GPATCH2L: variants seen among roughly 807,000 people sequenced by gnomAD.
GPATCH2L encodes the protein G patch domain-containing protein 2-like.
GPATCH2L carries 31 observed loss-of-function variants against 57.4 expected under a neutral mutation model. The ratio of observed to expected loss-of-function variants is 0.54; its 90% confidence interval spans 0.41 to 0.73. The LOEUF is 0.73. Ranked by LOEUF, GPATCH2L falls within the 30% of genes least tolerant of loss-of-function variation. The pLI is 0.00. For synonymous variants in GPATCH2L, 199 were observed against 210.7 expected, an observed-to-expected ratio of 0.94 and a Z score of 0.48; for missense variants, 481 against 599.9, an observed-to-expected ratio of 0.80 and a Z score of 2.07.
chr14:76,199,855 G>A (rs1244380905), intron 9 of GPATCH2L, among the ~76,000 whole-genome samples: 3 of 152,170 alleles, frequency 2.0e-5, no homozygotes, highest in Admixed American at 6.5e-5. Context: ...ACTCAAAATA[G>A]ATTTTTGCAT....
At chr14:76,163,984 G>T (rs985724320) in intron 2 of GPATCH2L, among the ~76,000 whole-genome samples, 1 of 152,176 alleles carries the variant, frequency 6.6e-6, no homozygotes, top group East Asian at 1.9e-4. Flanking sequence ...CCCCGGTTAG[G>T]CAAGGAAGGG....
intron 8 of GPATCH2L, among the ~76,000 whole-genome samples, chr14:76,193,625 A>G (rs180980076): frequency 2.0e-5 from 3 of 152,266 alleles, no homozygotes; most frequent in Admixed American, 1.3e-4. Context: ...AAGCATCCAG[A>G]TGAAGAAAAA....
chr14:76,216,837 T>C (rs966133783), downstream of GPATCH2L, among the ~76,000 whole-genome samples: 6 of 152,094 alleles, frequency 3.9e-5, no homozygotes, highest in African/African-American at 1.4e-4. Context: ...CATAGATTAA[T>C]GGAACGATAT....
At chr14:76,221,900 TG>T (rs2040516560) in intron 1 of GPATCH2L, among the ~76,000 whole-genome samples, 1 of 152,148 alleles carries the variant, frequency 6.6e-6, no homozygotes, top group African/African-American at 2.4e-5. Flanking sequence ...AATGGATAAA[TG>T]CCATTATACA....
In GPATCH2L at chr14:76,154,599, T is replaced by G; in HGVS notation, c.236T>G (p.Val79Gly). Residue 79 changes from valine to glycine, a missense_variant, in exon 2 of 10, where the codon GTG (valine) becomes GGG (glycine). By Grantham distance (109) the Val-to-Gly change is moderately radical. Coordinates refer to ENST00000261530, the MANE Select transcript of GPATCH2L (RefSeq NM_017926.4). The surrounding 1 kb of genome is among the most constrained non-coding windows in gnomAD (Gnocchi z 4.4). ...GAGGCCACTAAGGACTGTCGAGAAG[T>G]GGCTCCGGTGACCAATTTTAGTGAC... ...LDEATKDCRE[V>G]APVTNFSDSD... 1 of 1,614,262 alleles carries G rather than the reference T, an allele frequency of 6.2e-7. No individual in the cohort carries two copies.
chr14:76,152,714 C>A (rs959394776), intron 1 of GPATCH2L: 2 of 455,992 alleles, frequency 4.4e-6, no homozygotes, highest in African/African-American at 4.0e-5. Context: ...AGGCATTCGA[C>A]TGCAAGTTGT....
At position 76,165,365 on chromosome 14, in the gene GPATCH2L, G is replaced by A. The variant is rs780087222; in HGVS notation, c.663-1298G>A. Among the ~76,000 whole-genome samples the A allele has an allele frequency of 4.0e-5, 6 of 151,820 alleles. No homozygotes were observed. The East Asian group carries it at 7.8e-4, about 20-fold the overall frequency. On this transcript the variant is annotated intron_variant, in intron 2 of 9. Coordinates refer to ENST00000261530, the MANE Select transcript of GPATCH2L (RefSeq NM_017926.4). ...AAATTAGCTGGGTGTGGTGGTGCGCGCCTGTAATCCCAGCTACTTGGGAGG... is the reference window on the plus strand; with the variant it reads ...AAATTAGCTGGGTGTGGTGGTGCGCACCTGTAATCCCAGCTACTTGGGAGG...
At chr14:76,219,121 A>T (rs1031472737), downstream of GPATCH2L, among the ~76,000 whole-genome samples, 19 of 152,168 alleles carry the variant, frequency 1.2e-4, no homozygotes, top group Non-Finnish European at 2.4e-4. Context: ...TAGACTTCAC[A>T]GAGAGAAAAC....
chr14:76,230,996 A>G (rs532045069), intron 2 of GPATCH2L, among the ~76,000 whole-genome samples: 1 of 152,288 alleles, frequency 6.6e-6, no homozygotes, highest in African/African-American at 2.4e-5. Context: ...ACTTGCCCTA[A>G]ACTTAACTTT....
intron 9 of GPATCH2L, among the ~76,000 whole-genome samples, chr14:76,197,405 C>A (rs184843291): frequency 6.6e-6 from 1 of 152,112 alleles, no homozygotes; most frequent in Non-Finnish European, 1.5e-5. Context: ...AATCCTTGTT[C>A]CATTTTCAGG....
Position 76,209,790 on chromosome 14 carries a change from G to T in GPATCH2L, c.*7939G>T, listed in dbSNP as rs2040419963. On this transcript the variant is annotated 3_prime_UTR_variant, in exon 10 of 10. Coordinates refer to ENST00000261530, the MANE Select transcript of GPATCH2L (RefSeq NM_017926.4). ...TTCCACTTTCATCAGATGTGACCCTGTGTGTTCCTGATGTCTTTGAATCAC... is the reference window on the plus strand; with the variant it reads ...TTCCACTTTCATCAGATGTGACCCTTTGTGTTCCTGATGTCTTTGAATCAC... 1 of 152,228 alleles carries T rather than the reference G, an allele frequency of 6.6e-6. No homozygotes were observed. Among genetic ancestry groups the T allele is most frequent in the Admixed American group, 6.5e-5 (1 of 15,280 alleles). The allele number at this position is 152,228 out of a possible 1,614,324, so 9.4% of individuals were successfully genotyped here. A position where few individuals can be genotyped will look rare whatever the true frequency, so the allele number is the denominator to read the frequency against.
At chr14:76,183,215 A>G (rs2039641137) in intron 8 of GPATCH2L, among the ~76,000 whole-genome samples, 1 of 152,170 alleles carries the variant, frequency 6.6e-6, no homozygotes, top group African/African-American at 2.4e-5. Flanking sequence ...TTTGCCTGGC[A>G]GTGTTTGTGG....
In GPATCH2L at chr14:76,180,833, G is replaced by C; in HGVS notation, c.1177G>C (p.Ala393Pro). The change falls in exon 8 of 10, where the codon GCA (alanine) becomes CCA (proline). Residue 393 changes from alanine (A) to proline (P), a missense_variant. This residue lies in a region of GPATCH2L where 248 missense variants were observed against 270.5 expected (regional missense o/e 0.92). Transcript: ENST00000261530. ...ADASHRRCSP[A>P]HCSARQANVH... is the part of the protein sequence containing the mutation. ...TGCTTCTCACCGAAGGTGTTCACCA[G>C]CACACTGCTCTGCCAGGTAATTGTC... 2.5e-6 allele frequency: 4 copies of C among 1,608,616 alleles called. No individual in the cohort carries two copies. The South Asian group carries it at 4.4e-5, about 18-fold the overall frequency.
rs757603055 is a variant in GPATCH2L, at chr14:76,166,653, C to G, written c.663-10C>G. The G allele has an allele frequency of 1.9e-6, 3 of 1,594,822 alleles. No individual in the cohort carries two copies. The highest frequency in any genetic ancestry group is 1.3e-5 in the African/African-American group (1 of 74,558). ...CTGATGAGTTCTCTTGTGTTTTACT[C>G]TTTTTACAGTGAAACCAGCAGTGTG... On this transcript the variant is annotated splice_polypyrimidine_tract_variant and intron_variant, in intron 2 of 9. Coordinates refer to ENST00000261530, the MANE Select transcript of GPATCH2L (RefSeq NM_017926.4).
intron 2 of GPATCH2L, among the ~76,000 whole-genome samples, chr14:76,157,306 T>A (rs2038354553): frequency 1.3e-5 from 2 of 152,224 alleles, no homozygotes; most frequent in Non-Finnish European, 2.9e-5. Flanking sequence ...CAGCCTCTCT[T>A]CAAGAGGAGA....
chr14:76,188,243 A>C (rs1176505047), intron 8 of GPATCH2L, among the ~76,000 whole-genome samples: 1 of 152,124 alleles, frequency 6.6e-6, no homozygotes, highest in Non-Finnish European at 1.5e-5. Context: ...CAATAGTGAG[A>C]TTGCTGGATC....
At chr14:76,186,982 C>T (rs1253642573) in intron 8 of GPATCH2L, among the ~76,000 whole-genome samples, 2 of 151,320 alleles carry the variant, frequency 1.3e-5, no homozygotes, top group African/African-American at 2.4e-5. Context: ...GGATCGCTTC[C>T]TGTTAGATAA....
intron 2 of GPATCH2L, among the ~76,000 whole-genome samples, chr14:76,156,039 A>G (rs1594900556): frequency 6.6e-6 from 1 of 152,298 alleles, no homozygotes; most frequent in East Asian, 1.9e-4. Flanking sequence ...ATATACTCTT[A>G]TTTAATGTTC....
At chr14:76,224,721 A>G (rs540554561) in intron 1 of GPATCH2L, among the ~76,000 whole-genome samples, 3 of 152,312 alleles carry the variant, frequency 2.0e-5, no homozygotes, top group Non-Finnish European at 2.9e-5. Flanking sequence ...ACTGCAAAGC[A>G]TATGATTGTT....
Sources: gnomAD v4.1 joint callset for allele counts (sites outside exome capture counted in the v4.1 genomes callset) on GRCh38, gnomAD v4.1.1 for gene constraint, gnomAD v4.1.1 regional missense constraint, Gnocchi (gnomAD v3.1) non-coding constraint, MANE v1.5 for transcripts, NCBI Gene and HGNC (gene_info 2026-07-23, HGNC 2026-07-21) for gene names.